QTMAN: variants seen among roughly 807,000 people sequenced by gnomAD.
The protein encoded by QTMAN is tRNA-queuosine alpha-mannosyltransferase.
At chr2:143,947,271 G>T in the QTMAN span, 1 of 652,934 alleles carries the variant, frequency 1.5e-6, no homozygotes, top group South Asian at 1.9e-5. Flanking sequence ...CCAAGTAAAT[G>T]GTTCTTGAGT....
chr2:144,292,969 T>TA, the QTMAN span, among the ~76,000 whole-genome samples: 1 of 152,174 alleles, frequency 6.6e-6, no homozygotes, highest in Non-Finnish European at 1.5e-5. Context: ...GGCACCAAGC[T>TA]ACATACCAAT....
At chr2:144,267,538 T>A in the QTMAN span, among the ~76,000 whole-genome samples, 1 of 152,200 alleles carries the variant, frequency 6.6e-6, no homozygotes, top group Admixed American at 6.5e-5. Flanking sequence ...GAGTTAATCA[T>A]AATTCTATGA....
chr2:144,071,372 GTGA>G, the QTMAN span, among the ~76,000 whole-genome samples: 1 of 152,028 alleles, frequency 6.6e-6, no homozygotes, highest in Non-Finnish European at 1.5e-5. Context: ...TGTAAATTAT[GTGA>G]TGAATTATTT....
the QTMAN span, among the ~76,000 whole-genome samples, chr2:143,973,515 G>T: frequency 1.3e-5 from 2 of 152,088 alleles, no homozygotes; most frequent in Non-Finnish European, 2.9e-5. Flanking sequence ...AATTGGCCGG[G>T]CGCGGTGGCT....
chr2:144,178,399 A>G, the QTMAN span: 2 of 152,124 alleles, frequency 1.3e-5, no homozygotes, highest in Non-Finnish European at 2.9e-5. Context: ...TGTGGTCACT[A>G]TTTCCAGAGG....
chr2:144,299,238 G>A, the QTMAN span, among the ~76,000 whole-genome samples: 4,070 of 152,226 alleles, frequency 0.027, 173 homozygotes, highest in African/African-American at 0.093. Flanking sequence ...AAAACATACA[G>A]CACTCTGATG....
At chr2:144,186,924 C>G in the QTMAN span, among the ~76,000 whole-genome samples, 128 of 152,210 alleles carry the variant, frequency 8.4e-4, no homozygotes, top group African/African-American at 2.9e-3. Context: ...TGCAAAATGA[C>G]AGCAGTTTGA....
chr2:144,104,224 T>C, the QTMAN span, among the ~76,000 whole-genome samples: 1 of 152,270 alleles, frequency 6.6e-6, no homozygotes, highest in East Asian at 1.9e-4. Flanking sequence ...ACTGAGGTAC[T>C]GGGTTCATCT....
chr2:144,046,962 T>C, the QTMAN span, among the ~76,000 whole-genome samples: 1 of 152,206 alleles, frequency 6.6e-6, no homozygotes, highest in Non-Finnish European at 1.5e-5. Flanking sequence ...AGTGGCTTTC[T>C]GTCACCCTAT....
the QTMAN span, among the ~76,000 whole-genome samples, chr2:143,962,946 T>C: frequency 6.6e-6 from 1 of 152,198 alleles, no homozygotes; most frequent in Admixed American, 6.5e-5. Flanking sequence ...TCTTTACTTT[T>C]ATTGTTTTGT....
the QTMAN span, among the ~76,000 whole-genome samples, chr2:144,077,492 T>C: frequency 1.3e-5 from 2 of 152,238 alleles, no homozygotes; most frequent in African/African-American, 4.8e-5. Context: ...AATCTGTTTT[T>C]ACCTAAACAT....
the QTMAN span, among the ~76,000 whole-genome samples, chr2:144,249,956 AT>A: frequency 6.6e-6 from 1 of 152,172 alleles, no homozygotes; most frequent in East Asian, 1.9e-4. Flanking sequence ...CCAATCTAAA[AT>A]ATAGAAAGCA....
At chr2:144,184,165 C>T in the QTMAN span, among the ~76,000 whole-genome samples, 1 of 151,986 alleles carries the variant, frequency 6.6e-6, no homozygotes, top group Non-Finnish European at 1.5e-5. Flanking sequence ...TAACACCTGC[C>T]TAAGTTCTTT....
the QTMAN span, among the ~76,000 whole-genome samples, chr2:144,176,358 T>G: frequency 9.2e-5 from 14 of 152,106 alleles, no homozygotes; most frequent in African/African-American, 3.4e-4. Flanking sequence ...AAGATGAACT[T>G]TTTTTACTCT....
chr2:144,123,966 A>G, the QTMAN span, among the ~76,000 whole-genome samples: 2 of 152,152 alleles, frequency 1.3e-5, no homozygotes, highest in Non-Finnish European at 2.9e-5. Context: ...GAATACAGGA[A>G]TTCCCTCTAA....
the QTMAN span, among the ~76,000 whole-genome samples, chr2:144,196,213 CCACACACACACACA>C: frequency 2.1e-5 from 3 of 142,428 alleles, no homozygotes; most frequent in Admixed American, 1.4e-4. Context: ...GCACACATAG[CCACACACACACACA>C]CACACACACA....
the QTMAN span, among the ~76,000 whole-genome samples, chr2:144,169,424 A>G: frequency 5.9e-5 from 9 of 152,176 alleles, no homozygotes; most frequent in Non-Finnish European, 1.2e-4. Flanking sequence ...TAATTAAAAA[A>G]TATTTTTTTG....
At chr2:144,118,087 C>A in the QTMAN span, among the ~76,000 whole-genome samples, 3 of 152,170 alleles carry the variant, frequency 2.0e-5, no homozygotes, top group Non-Finnish European at 4.4e-5. Flanking sequence ...ACCTTGTGAT[C>A]TGCCCACCTC....
At chr2:143,967,162 G>A in the QTMAN span, among the ~76,000 whole-genome samples, 4 of 152,260 alleles carry the variant, frequency 2.6e-5, no homozygotes, top group Non-Finnish European at 5.9e-5. Flanking sequence ...GGAGTATCAT[G>A]AGCATTACAT....
Sources: allele counts gnomAD v4.1 joint callset (sites outside exome capture counted in the v4.1 genomes callset), GRCh38; gene constraint gnomAD v4.1.1; transcripts MANE v1.5; gene names NCBI Gene and HGNC (gene_info 2026-07-23, HGNC 2026-07-21).